Variants in CARMIL1 observed in about 807,000 individuals in gnomAD.
CARMIL1 encodes the protein capping protein regulator and myosin 1 linker 1, also known as F-actin-uncapping protein LRRC16A.
A neutral mutation model predicts 177.1 loss-of-function variants in CARMIL1; 90 were observed. The ratio of observed to expected loss-of-function variants is 0.51; its 90% CI spans 0.43 to 0.61. The LOEUF is 0.61. Among genes scored for constraint, CARMIL1 ranks in the 20% least tolerant of loss-of-function variants. The probability of loss-of-function intolerance (pLI) is 0.00; values close to 1 mark genes in which losing one functional copy is unlikely to be tolerated. For missense variants in CARMIL1, 1,380 were observed against 1,667.0 expected, an observed-to-expected ratio of 0.83 and a Z score of 3.00; for synonymous variants, 577 against 606.2, an observed-to-expected ratio of 0.95 and a Z score of 0.71.
chr6:25,577,749 A>G lies in CARMIL1; in HGVS notation c.2743-3175A>G, dbSNP rs144138191. On this transcript the variant is annotated intron_variant, in intron 29 of 36. Coordinates refer to ENST00000329474, the MANE Select transcript of CARMIL1 (RefSeq NM_017640.6). The surrounding 1 kb of genome is among the most constrained non-coding windows in gnomAD (Gnocchi z 4.5). Reference sequence around the variant, plus strand: ...ATATCTCAATTGAGCTATGTGCAGAATAGTTTAAAATTCATTAAAAAATTT... The same window carrying G: ...ATATCTCAATTGAGCTATGTGCAGAGTAGTTTAAAATTCATTAAAAAATTT... Among the ~76,000 whole-genome samples the G allele has an allele frequency of 2.9e-4, 28 of 97,438 alleles. No individual in the cohort carries two copies. Among genetic ancestry groups the G allele is most frequent in the South Asian group, 4.4e-4 (1 of 2,296 alleles). The allele number at this position is 97,438 out of a possible 152,430, so 63.9% of individuals were successfully genotyped here. A position where few individuals can be genotyped will look rare whatever the true frequency, so the allele number is the denominator to read the frequency against.
chr6:25,311,018 T>G (rs1049510178), intron 2 of CARMIL1, among the ~76,000 whole-genome samples: 6 of 142,718 alleles, frequency 4.2e-5, no homozygotes, highest in African/African-American at 1.7e-4. Flanking sequence ...CCATCTCTAC[T>G]AAAAATACAA....
At chr6:25,331,573 T>G (rs1785627312) in intron 2 of CARMIL1, among the ~76,000 whole-genome samples, 1 of 152,192 alleles carries the variant, frequency 6.6e-6, no homozygotes. Flanking sequence ...TTAAAATCCT[T>G]CAGCAGTTCC....
intron 2 of CARMIL1, among the ~76,000 whole-genome samples, chr6:25,417,616 T>A (rs1389334972): frequency 6.6e-6 from 1 of 152,218 alleles, no homozygotes; most frequent in Non-Finnish European, 1.5e-5. Context: ...CGGTAACTGA[T>A]CTTCCAGGGG....
intron 8 of CARMIL1, among the ~76,000 whole-genome samples, chr6:25,455,759 A>G (rs865839314): frequency 6.6e-6 from 1 of 152,164 alleles, no homozygotes; most frequent in Non-Finnish European, 1.5e-5. Flanking sequence ...CCATTTTCCC[A>G]GGACCATTTC....
chr6:25,284,678 C>T, intron 1 of CARMIL1, 134 bp from the exon 2 acceptor site: 1 of 562,618 alleles, frequency 1.8e-6, no homozygotes, highest in Non-Finnish European at 3.2e-6. Context: ...CACTGCACTC[C>T]AGCCTGGGTG....
At position 25,520,310 on chromosome 6, in the gene CARMIL1, T is replaced by G. The variant is rs369394323; in HGVS notation, c.1941T>G (p.Pro647=). 2,285 of 1,558,126 alleles carry G rather than the reference T, an allele frequency of 1.5e-3. No individual in the cohort carries two copies. The highest frequency in any genetic ancestry group is 1.7e-3 in the Non-Finnish European group (1,943 of 1,149,154). The change falls in exon 23 of 37, where the codon CCT becomes CCG. Residue 647 remains proline, a synonymous_variant. Transcript: ENST00000329474. The part of the protein sequence containing the change: ...YDASQALKTN[P]EKTEDALQKI... ...CTTCTCAAGCCCTAAAAACAAACCC[T>G]GAAAAAACAGAAGACGCTCTGCAAA...
intron 9 of CARMIL1, among the ~76,000 whole-genome samples, chr6:25,466,229 GGCAAAAACTGTTAAA>G (rs1800585365): frequency 6.6e-6 from 1 of 152,062 alleles, no homozygotes; most frequent in African/African-American, 2.4e-5. Flanking sequence ...TCATTCAGTT[GGCAAAAACTGTTAAA>G]GTTACATTTG....
intron 36 of CARMIL1, among the ~76,000 whole-genome samples, chr6:25,614,094 T>G (rs891023360): frequency 1.3e-5 from 2 of 152,232 alleles, no homozygotes; most frequent in Admixed American, 6.5e-5. Flanking sequence ...GGAACGGTTC[T>G]CTTTGAGAAT....
At chr6:25,541,290 C>T (rs1008643932) in intron 26 of CARMIL1, among the ~76,000 whole-genome samples, 1 of 152,124 alleles carries the variant, frequency 6.6e-6, no homozygotes, top group Non-Finnish European at 1.5e-5. Flanking sequence ...TGCCTATATA[C>T]ACAGTTTTTT....
At chr6:25,435,893 A>T (rs1290586057) in intron 5 of CARMIL1, among the ~76,000 whole-genome samples, 1 of 152,174 alleles carries the variant, frequency 6.6e-6, no homozygotes, top group African/African-American at 2.4e-5. Flanking sequence ...CTCCAGATTT[A>T]CAGGAGTGTG....
At position 25,495,101 on chromosome 6, in the gene CARMIL1, T is replaced by C; in HGVS notation, c.1221-10T>C. 6.3e-7 allele frequency: 1 copy of C among 1,577,978 alleles called. No individual in the cohort carries two copies. Among genetic ancestry groups the C allele is most frequent in the Non-Finnish European group, 8.7e-7 (1 of 1,148,292 alleles). On this transcript the variant is annotated splice_polypyrimidine_tract_variant and intron_variant, in intron 15 of 36. Coordinates refer to ENST00000329474, the MANE Select transcript of CARMIL1 (RefSeq NM_017640.6). The stretch of plus-strand genomic sequence containing the variant: ...TGTAACCGCTTGTGTAACTCTTGTG[T>C]TTTTTTCAGGAAAGGAAAAGAAGTA...
chr6:25,287,492 T>C (rs1781607377), intron 2 of CARMIL1: 1 of 152,902 alleles, frequency 6.5e-6, no homozygotes, highest in Non-Finnish European at 1.5e-5. Context: ...TATAATGAGT[T>C]GTGATCAATT....
chr6:25,488,334 C>T, intron 12 of CARMIL1, 148 bp from the exon 13 acceptor site: 1 of 670,162 alleles, frequency 1.5e-6, no homozygotes, highest in Non-Finnish European at 2.7e-6. Context: ...CAAAAGGAGA[C>T]ACAATCATAG....
intron 11 of CARMIL1, among the ~76,000 whole-genome samples, chr6:25,477,442 C>T (rs1483743496): frequency 1.3e-5 from 2 of 152,096 alleles, no homozygotes; most frequent in Non-Finnish European, 2.9e-5. Context: ...TCTCTTTCTG[C>T]AAGAGCAACA....
At chr6:25,339,716 G>A (rs1221642822) in intron 2 of CARMIL1, among the ~76,000 whole-genome samples, 1 of 152,176 alleles carries the variant, frequency 6.6e-6, no homozygotes. Context: ...CAGATGCAGG[G>A]ATAGTGGTGT....
intron 5 of CARMIL1, among the ~76,000 whole-genome samples, chr6:25,441,337 A>ATATATATATATATG: frequency 2.0e-3 from 186 of 94,520 alleles, no homozygotes; most frequent in Non-Finnish European, 2.4e-3. Flanking sequence ...ATATATATAT[A>ATATATATATATATG]TGTGTGTGTG....
chr6:25,486,108 T>G (rs1010396645), intron 12 of CARMIL1, among the ~76,000 whole-genome samples: 4 of 152,154 alleles, frequency 2.6e-5, no homozygotes, highest in African/African-American at 9.7e-5. Flanking sequence ...CTGTAAACAC[T>G]GCAATAATAA....
chr6:25,578,541 G>T (rs1812808116), intron 29 of CARMIL1, among the ~76,000 whole-genome samples: 1 of 152,098 alleles, frequency 6.6e-6, no homozygotes, highest in South Asian at 2.1e-4. Context: ...CACATTTTCT[G>T]TAAAACTAAG....
At chr6:25,297,411 T>C (rs1053722638) in intron 2 of CARMIL1, among the ~76,000 whole-genome samples, 1 of 152,218 alleles carries the variant, frequency 6.6e-6, no homozygotes, top group Non-Finnish European at 1.5e-5. Context: ...AGTTTGCCTT[T>C]CTAGAAAAAA....
Sources: gnomAD v4.1 joint callset for allele counts (sites outside exome capture counted in the v4.1 genomes callset) on GRCh38, gnomAD v4.1.1 for gene constraint, Gnocchi (gnomAD v3.1) non-coding constraint, MANE v1.5 for transcripts, NCBI Gene and HGNC (gene_info 2026-07-23, HGNC 2026-07-21) for gene names.